The following ROBO1 variants were observed in gnomAD, a reference collection of about 807,000 sequenced individuals.
ROBO1 encodes the protein roundabout guidance receptor 1.
ROBO1 carries 149 observed loss-of-function variants against 195.9 expected under a neutral mutation model. The observed-to-expected ratio is 0.76, with a 90% confidence interval of 0.67 to 0.87. The LOEUF (loss-of-function observed/expected upper bound fraction) is 0.87. ROBO1 is among the 40% of genes least tolerant of loss of function. The pLI, the probability that ROBO1 is intolerant of heterozygous loss-of-function variation, is 0.00. For missense variants in ROBO1, 1,933 were observed against 2,068.3 expected (o/e 0.93, Z 1.27); for synonymous variants, 816 against 733.2 (o/e 1.11, Z -1.82).
intron 1 of ROBO1, among the ~76,000 whole-genome samples, chr3:79,641,180 G>A (rs552395444): frequency 3.9e-5 from 6 of 152,250 alleles, no homozygotes; most frequent in African/African-American, 1.4e-4. Context: ...CCAGAGTAAT[G>A]AGGTAGAGTA....
chr3:79,113,861 CAG>C, intron 3 of ROBO1, among the ~76,000 whole-genome samples: 1 of 152,244 alleles, frequency 6.6e-6, no homozygotes, highest in Non-Finnish European at 1.5e-5. Flanking sequence ...TTTTAGATCT[CAG>C]ATAATGATGA....
chr3:78,866,361 A>T (rs967624947), intron 4 of ROBO1, among the ~76,000 whole-genome samples: 2 of 152,200 alleles, frequency 1.3e-5, no homozygotes, highest in Non-Finnish European at 2.9e-5. Context: ...TGTCCCTCGG[A>T]TCACCAGTGC....
chr3:79,226,567 G>T (rs1223445894), intron 2 of ROBO1, among the ~76,000 whole-genome samples: 2 of 144,840 alleles, frequency 1.4e-5, no homozygotes, highest in Non-Finnish European at 3.0e-5. Flanking sequence ...TTAAGACAGA[G>T]TTTCCCTCTG....
intron 3 of ROBO1, among the ~76,000 whole-genome samples, chr3:79,041,620 G>A (rs1250055875): frequency 6.6e-6 from 1 of 152,168 alleles, no homozygotes; most frequent in South Asian, 2.1e-4. Flanking sequence ...CTGTAATTAA[G>A]CTAGCATAGT....
intron 27 of ROBO1, among the ~76,000 whole-genome samples, chr3:78,617,018 A>G (rs1473294901): frequency 6.6e-6 from 1 of 152,160 alleles, no homozygotes; most frequent in Admixed American, 6.5e-5. Flanking sequence ...TAAAATGTTT[A>G]CTGTAAGTAT....
At chr3:79,523,617 C>T (rs932362506) in intron 2 of ROBO1, among the ~76,000 whole-genome samples, 29 of 151,610 alleles carry the variant, frequency 1.9e-4, no homozygotes, top group Admixed American at 3.3e-4. Context: ...GGATTACAGG[C>T]GCCCGCCACC....
chr3:79,683,263 C>T (rs892225829), intron 1 of ROBO1, among the ~76,000 whole-genome samples: 45 of 151,980 alleles, frequency 3.0e-4, no homozygotes, highest in Non-Finnish European at 5.0e-4. Context: ...CTGATCCTTT[C>T]CCTCTTCCTC....
At chr3:78,780,024 G>A (rs183727455) in intron 4 of ROBO1, among the ~76,000 whole-genome samples, 67 of 152,166 alleles carry the variant, frequency 4.4e-4, no homozygotes, top group African/African-American at 1.4e-3. Flanking sequence ...TGAACACCAC[G>A]TGATCTCACT....
chr3:79,714,738 C>T (rs955320435), intron 1 of ROBO1, among the ~76,000 whole-genome samples: 15 of 151,324 alleles, frequency 9.9e-5, no homozygotes, highest in African/African-American at 3.4e-4. Context: ...TCTCAGCAAA[C>T]TATCACAAGG....
intron 4 of ROBO1, among the ~76,000 whole-genome samples, chr3:78,842,698 CA>C (rs1186291190): frequency 2.0e-5 from 3 of 147,946 alleles, no homozygotes; most frequent in African/African-American, 5.0e-5. Context: ...ATCAGGTAGG[CA>C]AAAAAAATAA....
intron 15 of ROBO1, 148 bp downstream of exon 15, chr3:78,661,845 C>A: frequency 1.0e-6 from 1 of 976,064 alleles, no homozygotes; most frequent in Non-Finnish European, 1.5e-6. Flanking sequence ...CTGTTTAAAC[C>A]AAACTAATAG....
chr3:78,963,090 G>GAGAT (rs71631633), intron 3 of ROBO1, among the ~76,000 whole-genome samples: 1 of 145,666 alleles, frequency 6.9e-6, no homozygotes, highest in East Asian at 2.0e-4. Context: ...TCTCATACTT[G>GAGAT]ATATATATAT....
chr3:79,491,160 G>C (rs980663086), intron 2 of ROBO1, among the ~76,000 whole-genome samples: 5 of 151,778 alleles, frequency 3.3e-5, no homozygotes, highest in African/African-American at 1.2e-4. Context: ...CCTGGTCCTA[G>C]ACAGAGCAGT....
intron 3 of ROBO1, among the ~76,000 whole-genome samples, chr3:78,949,449 G>A (rs989254167): frequency 6.6e-6 from 1 of 151,174 alleles, no homozygotes; most frequent in Non-Finnish European, 1.5e-5. Flanking sequence ...GGGAAAACTG[G>A]CTAGCCATAT....
chr3:79,173,292 G>T (rs765133875), intron 2 of ROBO1, among the ~76,000 whole-genome samples: 1 of 152,148 alleles, frequency 6.6e-6, no homozygotes, highest in Non-Finnish European at 1.5e-5. Context: ...TTCCTGGGCT[G>T]ACCGAGGCTG....
At chr3:78,788,440 T>TTAAA (rs1553728992) in intron 4 of ROBO1, among the ~76,000 whole-genome samples, 4 of 75,756 alleles carry the variant, frequency 5.3e-5, no homozygotes, top group African/African-American at 5.2e-5. Flanking sequence ...TTTTTTTTTT[T>TTAAA]AAAAAAAAAA....
chr3:78,599,000 TTTA>T (rs950397346), intron 30 of ROBO1, 73 bp from the exon 31 acceptor site: 83 of 826,056 alleles, frequency 1.0e-4, no homozygotes, highest in African/African-American at 9.0e-4. Flanking sequence ...TTTATATGCA[TTTA>T]TTATTATTAT....
intron 4 of ROBO1, among the ~76,000 whole-genome samples, chr3:78,750,122 T>G (rs1217931878): frequency 6.6e-6 from 1 of 152,126 alleles, no homozygotes; most frequent in Non-Finnish European, 1.5e-5. Flanking sequence ...ATACATTTCA[T>G]TAAATATTTG....
intron 3 of ROBO1, among the ~76,000 whole-genome samples, chr3:79,018,253 T>C (rs781641088): frequency 1.3e-4 from 20 of 152,018 alleles, no homozygotes; most frequent in Non-Finnish European, 2.4e-4. Flanking sequence ...AAATGCGAAC[T>C]AGGAACATTT....
Sources: gnomAD v4.1 joint callset for allele counts (sites outside exome capture counted in the v4.1 genomes callset) on GRCh38, gnomAD v4.1.1 for gene constraint, MANE v1.5 for transcripts, NCBI Gene and HGNC (gene_info 2026-07-23, HGNC 2026-07-21) for gene names.